Variants in WDFY2 observed in about 807,000 individuals in gnomAD.
WDFY2 encodes WD repeat and FYVE domain-containing protein 2.
A neutral mutation model predicts 56.4 loss-of-function variants in WDFY2; 36 were observed. That is an observed-to-expected ratio of 0.64 (90% CI 0.49 to 0.84). The LOEUF (loss-of-function observed/expected upper bound fraction) is 0.84. Ranked by LOEUF, WDFY2 falls within the 40% of genes least tolerant of loss-of-function variation. WDFY2 has a pLI of 0.00. For missense variants in WDFY2, 444 were observed against 512.2 expected, an observed-to-expected ratio of 0.87 and a Z score of 1.29; for synonymous variants, 176 against 183.7, an observed-to-expected ratio of 0.96 and a Z score of 0.34.
chr13:51,740,696 A>T (rs1430784850), intron 7 of WDFY2, among the ~76,000 whole-genome samples: 1 of 150,812 alleles, frequency 6.6e-6, no homozygotes, highest in East Asian at 1.9e-4. Flanking sequence ...CCTGGGCAAC[A>T]GAGCAAGACT....
chr13:51,703,076 A>G (rs1952016870), intron 3 of WDFY2, among the ~76,000 whole-genome samples: 2 of 152,222 alleles, frequency 1.3e-5, no homozygotes, highest in African/African-American at 4.8e-5. Flanking sequence ...GACCATTATT[A>G]ATTACCTACT....
At chr13:51,626,438 A>G (rs1374696306) in intron 1 of WDFY2, among the ~76,000 whole-genome samples, 1 of 152,242 alleles carries the variant, frequency 6.6e-6, no homozygotes, top group East Asian at 1.9e-4. Context: ...ATAGGAACAT[A>G]CACAAAATAC....
chr13:51,716,672 G>A (rs1196624043), intron 4 of WDFY2, among the ~76,000 whole-genome samples: 2 of 117,416 alleles, frequency 1.7e-5, no homozygotes, highest in East Asian at 2.7e-4. Flanking sequence ...CAGCCTGGGC[G>A]ACAGAGCGAG....
chr13:51,723,702 T>C (rs1952540729), intron 5 of WDFY2, among the ~76,000 whole-genome samples: 1 of 152,236 alleles, frequency 6.6e-6, no homozygotes, highest in Non-Finnish European at 1.5e-5. Context: ...GCACATGGCA[T>C]TGGATTGTCG....
chr13:51,641,313 C>T (rs370338138), intron 1 of WDFY2, among the ~76,000 whole-genome samples: 20 of 152,118 alleles, frequency 1.3e-4, no homozygotes, highest in East Asian at 9.9e-4. Context: ...TTCGTGATCA[C>T]CCACCTTGGC....
intron 1 of WDFY2, among the ~76,000 whole-genome samples, chr13:51,621,387 T>C (rs1027015556): frequency 2.0e-5 from 3 of 152,068 alleles, no homozygotes; most frequent in Non-Finnish European, 4.4e-5. Flanking sequence ...CACCTGTAAT[T>C]CCAGCTACTT....
chr13:51,673,660 G>A (rs1955840825), intron 2 of WDFY2, among the ~76,000 whole-genome samples: 1 of 152,020 alleles, frequency 6.6e-6, no homozygotes. Context: ...CTGCACACAT[G>A]TTATGGGATT....
chr13:51,671,717 G>A (rs1955809141), intron 2 of WDFY2, among the ~76,000 whole-genome samples: 1 of 151,156 alleles, frequency 6.6e-6, no homozygotes, highest in Non-Finnish European at 1.5e-5. Flanking sequence ...TCTTTTGCTA[G>A]GCAGAAGATT....
chr13:51,728,473 A>G (rs1312092499), intron 6 of WDFY2, among the ~76,000 whole-genome samples: 1 of 152,164 alleles, frequency 6.6e-6, no homozygotes, highest in Non-Finnish European at 1.5e-5. Context: ...GACCCTAGAA[A>G]ATGAGTCATC....
At chr13:51,715,102 C>G (rs901459956) in intron 4 of WDFY2, among the ~76,000 whole-genome samples, 4 of 152,162 alleles carry the variant, frequency 2.6e-5, no homozygotes, top group Non-Finnish European at 5.9e-5. Context: ...CTGGGTGAGT[C>G]AGTGAGTGAG....
rs1404656854 is a variant in WDFY2 at position 51,719,328 on chromosome 13, T to G, written c.465T>G (p.Ser155Arg). ...AGCGCCTGGGAGGTTATCGGACCAG[T>G]GCTGTGGCCTCAGGCCTGCAGTATC... ...SGQRLGGYRT[S>R]AVASGLQFDV... Residue 155 changes from serine (S) to arginine (R), a missense_variant, in exon 5 of 12, where the codon AGT becomes AGG. Ser to Arg is a moderately radical substitution (Grantham distance 110, BLOSUM62 -1). Transcript: ENST00000298125. 4 of 1,603,824 alleles carry G rather than the reference T, an allele frequency of 2.5e-6. No homozygotes were observed. In the African/African-American group the frequency reaches 4.0e-5, roughly 16 times the overall value.
intron 1 of WDFY2, among the ~76,000 whole-genome samples, chr13:51,629,824 TTC>T (rs1491280819): frequency 2.5e-5 from 1 of 39,374 alleles, no homozygotes; most frequent in African/African-American, 7.7e-5. Context: ...TTTCTTTCTT[TTC>T]TTTTTTTTTT....
At chr13:51,711,599 A>T (rs1241276828) in intron 4 of WDFY2, among the ~76,000 whole-genome samples, 1 of 152,226 alleles carries the variant, frequency 6.6e-6, no homozygotes, top group Non-Finnish European at 1.5e-5. Flanking sequence ...TACAAGAAAA[A>T]ATCAAACAAC....
At chr13:51,759,336 T>C (rs537401533) in intron 11 of WDFY2, among the ~76,000 whole-genome samples, 11 of 152,352 alleles carry the variant, frequency 7.2e-5, no homozygotes, top group African/African-American at 2.6e-4. Context: ...TTTAATGGAT[T>C]CAATCTATTT....
Position 51,584,810 on chromosome 13 carries a change from C to T in WDFY2, c.123C>T (p.Ser41=), listed in dbSNP as rs574538321. The stretch of plus-strand genomic sequence containing the variant: ...TGCCCAAAGAGGAGGGCGTCATCAG[C>T]GTCTCCGAGGACAGGTATGGACTAC... ...VIVPKEEGVI[S]VSEDRTVRVW... The change falls in exon 1 of 12, where the codon AGC becomes AGT. Residue 41 remains serine, a synonymous_variant. Transcript: ENST00000298125. 6.2e-7 allele frequency: 1 copy of T among 1,613,832 alleles called. No individual in the cohort carries two copies. Among genetic ancestry groups the T allele is most frequent in the East Asian group, 2.2e-5 (1 of 44,870 alleles).
intron 4 of WDFY2, among the ~76,000 whole-genome samples, chr13:51,715,823 G>T (rs1045269826): frequency 1.3e-5 from 2 of 152,120 alleles, no homozygotes; most frequent in Non-Finnish European, 2.9e-5. Context: ...TGCTAGAACA[G>T]CCACGCCCTT....
chr13:51,636,915 A>G (rs188666863), intron 1 of WDFY2, among the ~76,000 whole-genome samples: 1 of 152,388 alleles, frequency 6.6e-6, no homozygotes, highest in East Asian at 1.9e-4. Context: ...TTCGATCCAT[A>G]CCTCATACCA....
chr13:51,758,124 C>T (rs1470084820), intron 10 of WDFY2, 68 bp from the exon 11 acceptor site: 8 of 1,289,350 alleles, frequency 6.2e-6, no homozygotes, highest in East Asian at 2.4e-5. Context: ...AGCCTAATGT[C>T]ATCCTAGATC....
intron 11 of WDFY2, among the ~76,000 whole-genome samples, chr13:51,759,515 G>A (rs1164960848): frequency 6.6e-6 from 1 of 152,186 alleles, no homozygotes; most frequent in African/African-American, 2.4e-5. Flanking sequence ...AATCTGCCAT[G>A]ATTCTTCATG....
Sources: allele counts gnomAD v4.1 joint callset (sites outside exome capture counted in the v4.1 genomes callset), GRCh38; gene constraint gnomAD v4.1.1; transcripts MANE v1.5; gene names NCBI Gene and HGNC (gene_info 2026-07-23, HGNC 2026-07-21).